The following KIF5A variants were observed in gnomAD, a reference collection of about 807,000 sequenced individuals.
The protein encoded by KIF5A is kinesin heavy chain isoform 5A.
Under a neutral mutation model 141.3 loss-of-function variants are expected in KIF5A, and 35 were observed. The ratio of observed to expected loss-of-function variants is 0.25; its 90% confidence interval spans 0.19 to 0.33. The LOEUF (loss-of-function observed/expected upper bound fraction) is 0.33, where lower values mean the gene tolerates loss of function less well. Ranked by LOEUF, KIF5A falls within the 10% of genes least tolerant of loss-of-function variation. The pLI, the probability that KIF5A is intolerant of heterozygous loss-of-function variation, is 1.00. For missense variants in KIF5A, 861 were observed against 1,314.3 expected (o/e 0.66, Z 5.33); for synonymous variants, 448 against 500.2 (o/e 0.90, Z 1.39).
chr12:57,567,453 TGCAGG>T (rs1329164776), intron 7 of KIF5A, 36 bp from the exon 8 acceptor site: 1 of 1,610,784 alleles, frequency 6.2e-7, no homozygotes, highest in Non-Finnish European at 8.5e-7. Flanking sequence ...ACCTCAGTTC[TGCAGG>T]GTGGTGCAGG....
At position 57,582,070 on chromosome 12, in the gene KIF5A, G is replaced by C. The variant is rs144378635; in HGVS notation, c.2992+118G>C. On this transcript the variant is annotated intron_variant, in intron 26 of 28. Coordinates refer to ENST00000455537, the MANE Select transcript of KIF5A (RefSeq NM_004984.4). ...GACTGAACCTTTCTGGTGTGCCAAG[G>C]CTTCAAATAAAAAAAAAAATACATA... 10 of 845,252 alleles carry C rather than the reference G, an allele frequency of 1.2e-5. No homozygotes were observed. In the South Asian group the frequency reaches 1.3e-4, roughly 11 times the overall value. 52.4% of individuals were successfully genotyped at this position (845,252 alleles called of 1,614,324 possible).
Position 57,578,090 on chromosome 12 carries a change from G to A in KIF5A, c.2433+10G>A, listed in dbSNP as rs149832619. The A allele has an allele frequency of 1.4e-5, 22 of 1,612,822 alleles. No individual in the cohort carries two copies. The East Asian group carries it at 4.9e-4, about 36-fold the overall frequency. On this transcript the variant is annotated intron_variant, in intron 22 of 28. Coordinates refer to ENST00000455537, the MANE Select transcript of KIF5A (RefSeq NM_004984.4). The stretch of plus-strand genomic sequence containing the variant: ...GACTCGAGTCAAGAAAGTGAGTGCT[G>A]TCCTTGGGGTTTTGTCAGCCCCCAC...
intron 12 of KIF5A, among the ~76,000 whole-genome samples, chr12:57,570,384 T>A (rs1882213808): frequency 6.6e-6 from 1 of 152,204 alleles, no homozygotes; most frequent in Non-Finnish European, 1.5e-5. Context: ...TACCATGCAA[T>A]TGAGTTATAC....
chr12:57,571,397 G>A lies in KIF5A; in HGVS notation c.1362+8G>A, dbSNP rs763038014. The A allele has an allele frequency of 1.9e-6, 3 of 1,613,494 alleles. No homozygotes were observed. In the Admixed American group the frequency reaches 5.0e-5, roughly 27 times the overall value. On this transcript the variant is annotated splice_region_variant and intron_variant, in intron 13 of 28. Transcript: ENST00000455537. ...ATGCTGGACCAGGAAGAGGTAATAG[G>A]AGGGAGGGCAGGACATGAGAGGAAA...
intron 1 of KIF5A, among the ~76,000 whole-genome samples, chr12:57,553,240 GA>G (rs1444128745): frequency 6.6e-6 from 1 of 151,844 alleles, no homozygotes; most frequent in African/African-American, 2.4e-5. Flanking sequence ...GGATGACAGT[GA>G]AGAAACACAT....
At chr12:57,573,879 A>G (rs1431537864) in intron 15 of KIF5A, among the ~76,000 whole-genome samples, 6 of 151,452 alleles carry the variant, frequency 4.0e-5, no homozygotes, top group Admixed American at 1.3e-4. Flanking sequence ...CAGGAGATTG[A>G]GACCATCCTG....
In KIF5A at chr12:57,575,673, A is replaced by G; in HGVS notation, c.1939A>G (p.Met647Val). The G allele has an allele frequency of 6.2e-7, 1 of 1,614,172 alleles. No individual in the cohort carries two copies. The highest frequency in any genetic ancestry group is 8.5e-7 in the Non-Finnish European group (1 of 1,180,018). Residue 647 changes from methionine (M) to valine (V), a missense_variant, in exon 17 of 29, where the codon ATG (methionine) becomes GTG (valine). Met to Val is a conservative substitution (Grantham distance 21). Around this residue, in one of 5 missense-constraint regions of KIF5A, gnomAD observed 482 missense variants for 661.3 expected, o/e 0.73. Coordinates refer to ENST00000455537, the MANE Select transcript of KIF5A (RefSeq NM_004984.4). ...CAAGATCCGCTCGCTTACGGAATAC[A>G]TGCAGAGCGTGGAGCTAAAGAAGCG... ...EAKIRSLTEYMQSVELKKRHL... is the reference protein window; with the variant it reads ...EAKIRSLTEYVQSVELKKRHL...
chr12:57,574,169 T>G (rs148645014), intron 15 of KIF5A, among the ~76,000 whole-genome samples: 2 of 151,308 alleles, frequency 1.3e-5, no homozygotes, highest in Non-Finnish European at 2.9e-5. Flanking sequence ...CAGAATGAAA[T>G]ATGCAAATCT....
chr12:57,575,900 G>A, intron 17 of KIF5A, 143 bp downstream of exon 17: 1 of 903,932 alleles, frequency 1.1e-6, no homozygotes. Context: ...GGTTTTGCAT[G>A]TAGCTCATTT....
chr12:57,554,136 GAC>G (rs1248959143), intron 1 of KIF5A, among the ~76,000 whole-genome samples: 1 of 151,954 alleles, frequency 6.6e-6, no homozygotes, highest in Non-Finnish European at 1.5e-5. Flanking sequence ...ATAAGGCTCT[GAC>G]ACAGTGTTGG....
chr12:57,569,652 G>A lies in KIF5A; in HGVS notation c.1086G>A (p.Lys362=). ...AGGCCCAGAAGGAGACGATTGCGAA[G>A]CTGGAGGCTGAGCTGAGCCGGTGGC... is the stretch of plus-strand genomic sequence containing the variant. ...KTKAQKETIA[K]LEAELSRWRN... Residue 362 remains lysine, a synonymous_variant, in exon 11 of 29, where the codon AAG becomes AAA. Transcript: ENST00000455537. The A allele has an allele frequency of 6.2e-7, 1 of 1,614,060 alleles. No homozygotes were observed. Among genetic ancestry groups the A allele is most frequent in the South Asian group, 1.1e-5 (1 of 91,084 alleles).
rs373563215 is a variant in KIF5A at position 57,575,636 on chromosome 12, C to T, written c.1906-4C>T. The stretch of plus-strand genomic sequence containing the variant: ...TCTTCCTCTCACCAACTTTCTCCCA[C>T]CAGCATGAGGCCAAGATCCGCTCGC... On this transcript the variant is annotated splice_polypyrimidine_tract_variant and splice_region_variant and intron_variant, in intron 16 of 28. Coordinates refer to ENST00000455537, the MANE Select transcript of KIF5A (RefSeq NM_004984.4). 5.0e-6 allele frequency: 8 copies of T among 1,613,322 alleles called. No individual in the cohort carries two copies. Among genetic ancestry groups the T allele is most frequent in the Non-Finnish European group, 5.9e-6 (7 of 1,179,386 alleles).
At chr12:57,577,267 A>G (rs184697415) in intron 20 of KIF5A, among the ~76,000 whole-genome samples, 36 of 152,250 alleles carry the variant, frequency 2.4e-4, no homozygotes, top group Admixed American at 5.2e-4. Context: ...TTCTTTTCTA[A>G]TTTTTGCACA....
intron 1 of KIF5A, among the ~76,000 whole-genome samples, chr12:57,551,906 C>A (rs567888109): frequency 6.9e-6 from 1 of 144,682 alleles, no homozygotes; most frequent in Non-Finnish European, 1.5e-5. Context: ...CTCTCTCTCT[C>A]TGTGTATGTA....
intron 1 of KIF5A, among the ~76,000 whole-genome samples, chr12:57,559,046 G>A (rs1402876263): frequency 3.3e-5 from 5 of 152,142 alleles, no homozygotes; most frequent in Non-Finnish European, 5.9e-5. Flanking sequence ...CAAAGGGCTC[G>A]GATTACACGG....
intron 21 of KIF5A, 70 bp from the exon 22 acceptor site, chr12:57,577,939 A>T: frequency 4.6e-6 from 6 of 1,296,110 alleles, no homozygotes; most frequent in Non-Finnish European, 6.7e-6. Flanking sequence ...GACTGGAGGT[A>T]CCTATAATTC....
intron 12 of KIF5A, 31 bp downstream of exon 12, chr12:57,570,193 C>T (rs762948786): frequency 6.8e-6 from 11 of 1,607,300 alleles, no homozygotes; most frequent in Admixed American, 3.3e-5. Flanking sequence ...CACTGAGGCA[C>T]GCCAGGTGGG....
At chr12:57,577,680 A>C in intron 20 of KIF5A, 33 bp from the exon 21 acceptor site, 3 of 1,564,100 alleles carry the variant, frequency 1.9e-6, no homozygotes, top group Non-Finnish European at 2.6e-6. Flanking sequence ...GTCCTGAGGG[A>C]TCTTTCCATT....
rs759750438 is a variant in KIF5A, at chr12:57,581,434, C to A, written c.2775C>A (p.Gly925=). The change falls in exon 25 of 29, where the codon GGC becomes GGA. Residue 925 remains glycine (G), a synonymous_variant. Coordinates refer to ENST00000455537, the MANE Select transcript of KIF5A (RefSeq NM_004984.4). The part of the protein sequence containing the change: ...SAQIAKPVRP[G]HYPASSPTNP... ...TTGCAGCCAAACCCGTCCGGCCTGG[C>A]CACTACCCAGCATCCTCACCCACCA... 78 of 1,613,882 alleles carry A rather than the reference C, an allele frequency of 4.8e-5. No homozygotes were observed. In the African/African-American group the frequency reaches 6.9e-4, roughly 14 times the overall value.
Sources: gnomAD v4.1 joint callset for allele counts (sites outside exome capture counted in the v4.1 genomes callset) on GRCh38, gnomAD v4.1.1 for gene constraint, gnomAD v4.1.1 regional missense constraint, MANE v1.5 for transcripts, NCBI Gene and HGNC (gene_info 2026-07-23, HGNC 2026-07-21) for gene names.